CHRM3: variants seen among roughly 807,000 people sequenced by gnomAD.
The protein encoded by CHRM3 is cholinergic receptor muscarinic 3.
A neutral mutation model predicts 41.8 loss-of-function variants in CHRM3; 11 were observed. That is an observed-to-expected ratio of 0.26 (90% CI 0.17 to 0.44). The LOEUF is 0.44. CHRM3 is among the 20% of genes least tolerant of loss of function. The pLI, the probability that CHRM3 is intolerant of heterozygous loss-of-function variation, is 1.00. For missense variants in CHRM3, 571 were observed against 745.4 expected, an observed-to-expected ratio of 0.77 and a Z score of 2.72; for synonymous variants, 297 against 301.4, an observed-to-expected ratio of 0.99 and a Z score of 0.15.
At chr1:239,875,411 G>A (rs1377524529) in intron 6 of CHRM3, among the ~76,000 whole-genome samples, 1 of 152,212 alleles carries the variant, frequency 6.6e-6, no homozygotes, top group Non-Finnish European at 1.5e-5. Context: ...TTGTGTCCCA[G>A]TAAACTTTAT....
At chr1:239,410,487 G>A (rs937384197) in intron 1 of CHRM3, among the ~76,000 whole-genome samples, 2 of 152,122 alleles carry the variant, frequency 1.3e-5, no homozygotes, top group East Asian at 1.9e-4. Context: ...AAGGCCTAGA[G>A]GGCTGATACC....
chr1:239,859,653 T>C (rs1462925485), intron 6 of CHRM3, among the ~76,000 whole-genome samples: 3 of 151,488 alleles, frequency 2.0e-5, no homozygotes, highest in East Asian at 1.9e-4. Flanking sequence ...TGACCTCAAG[T>C]GATCCGCCTG....
chr1:239,423,562 C>A (rs1662123915), intron 1 of CHRM3, among the ~76,000 whole-genome samples: 1 of 152,000 alleles, frequency 6.6e-6, no homozygotes, highest in Non-Finnish European at 1.5e-5. Flanking sequence ...TAAATAACAA[C>A]CATGCATTAT....
At chr1:239,545,489 A>G (rs1184497579) in intron 2 of CHRM3, among the ~76,000 whole-genome samples, 152 bp from the exon 3 acceptor site, 1 of 152,212 alleles carries the variant, frequency 6.6e-6, no homozygotes, top group African/African-American at 2.4e-5. Context: ...CAGCAACAAT[A>G]GAGGTATGTA....
intron 1 of CHRM3, among the ~76,000 whole-genome samples, chr1:239,390,599 CTTT>C (rs11316805): frequency 1.4e-5 from 2 of 139,702 alleles, no homozygotes; most frequent in African/African-American, 2.7e-5. Flanking sequence ...GCTTCCCTCA[CTTT>C]TTTTTTTTTT....
intron 1 of CHRM3, among the ~76,000 whole-genome samples, chr1:239,442,141 G>A (rs574672642): frequency 6.1e-5 from 7 of 115,534 alleles, no homozygotes; most frequent in African/African-American, 1.5e-4. Context: ...TTAAATATAC[G>A]TTAGGTTTTT....
rs145181354 is a variant in CHRM3 at position 239,788,877 on chromosome 1, A to T, written c.-146-38375A>T. On this transcript the variant is annotated intron_variant, in intron 5 of 6. Transcript: ENST00000676153. The stretch of plus-strand genomic sequence containing the variant: ...TTCATTCAATTGTAAAGTATATTTT[A>T]TGCCATTTTAATTCTTTGAAAGGAT... Among the ~76,000 whole-genome samples the T allele has an allele frequency of 5.2e-4, 79 of 152,386 alleles. No individual in the cohort carries two copies. The East Asian group carries it at 0.014, about 27-fold the overall frequency.
chr1:239,667,880 T>C (rs539189223), intron 4 of CHRM3, among the ~76,000 whole-genome samples: 250 of 152,288 alleles, frequency 1.6e-3, no homozygotes, highest in African/African-American at 5.8e-3. Flanking sequence ...TCTGTGCTCT[T>C]GTACATTTGT....
At chr1:239,824,037 G>A (rs1207651011) in intron 5 of CHRM3, among the ~76,000 whole-genome samples, 3 of 152,060 alleles carry the variant, frequency 2.0e-5, no homozygotes, top group African/African-American at 7.2e-5. Context: ...TGACTCGGGA[G>A]CATGTGCGTG....
chr1:239,726,507 A>G (rs1663452415), intron 5 of CHRM3, among the ~76,000 whole-genome samples: 1 of 151,940 alleles, frequency 6.6e-6, no homozygotes, highest in Non-Finnish European at 1.5e-5. Flanking sequence ...TAAGCATAAC[A>G]TATTAAAGTA....
intron 5 of CHRM3, chr1:239,706,941 C>T (rs544498926): frequency 8.5e-5 from 13 of 152,272 alleles, no homozygotes; most frequent in African/African-American, 1.7e-4. Context: ...AAATAGTTTT[C>T]GGAAAAGTAG....
Position 239,480,543 on chromosome 1 carries a change from A to ATTTT in CHRM3, c.-520-12141_-520-12138dup, listed in dbSNP as rs745979239. On this transcript the variant is annotated intron_variant, in intron 1 of 6. Transcript: ENST00000676153. ...ACTCAGGTAATCCTACGATAGCCCA[A>ATTTT]TTTTTTTTTTTTTTTTTTTTTTTTT... Among the ~76,000 whole-genome samples the ATTTT allele has an allele frequency of 6.6e-3, 731 of 110,710 alleles. 29 individuals are homozygous for ATTTT. The highest frequency in any genetic ancestry group is 0.023 in the African/African-American group (577 of 24,750). 72.6% of individuals were successfully genotyped at this position (110,710 alleles called of 152,430 possible).
At chr1:239,663,544 A>G (rs1438333949) in intron 4 of CHRM3, among the ~76,000 whole-genome samples, 1 of 152,206 alleles carries the variant, frequency 6.6e-6, no homozygotes, top group Non-Finnish European at 1.5e-5. Context: ...TTTGTAGTGT[A>G]CTGCCCACTT....
intron 3 of CHRM3, among the ~76,000 whole-genome samples, chr1:239,554,256 A>C (rs891843267): frequency 1.3e-5 from 2 of 152,218 alleles, no homozygotes; most frequent in African/African-American, 4.8e-5. Context: ...CATGTTGTAG[A>C]TGAGTTTAGT....
At chr1:239,683,529 T>C (rs2149107008) in intron 5 of CHRM3, among the ~76,000 whole-genome samples, 1 of 152,336 alleles carries the variant, frequency 6.6e-6, no homozygotes, top group Non-Finnish European at 1.5e-5. Context: ...ATTATTTTCA[T>C]CTTTAAAGTC....
chr1:239,568,533 G>T (rs115686760), intron 3 of CHRM3, among the ~76,000 whole-genome samples: 5,133 of 152,104 alleles, frequency 0.034, 106 homozygotes, highest in Middle Eastern at 0.058. Flanking sequence ...CGGGTATGCC[G>T]TGATCAGCAG....
At chr1:239,840,926 G>C (rs971739622) in intron 6 of CHRM3, among the ~76,000 whole-genome samples, 3 of 152,152 alleles carry the variant, frequency 2.0e-5, no homozygotes, top group Non-Finnish European at 4.4e-5. Context: ...TGAAGTGATT[G>C]TTCCTTGATT....
intron 1 of CHRM3, among the ~76,000 whole-genome samples, chr1:239,409,881 CA>C (rs1173801420): frequency 1.3e-5 from 2 of 152,166 alleles, no homozygotes; most frequent in Non-Finnish European, 2.9e-5. Context: ...GCGGAGGTTG[CA>C]GTGAGCCTAG....
At chr1:239,894,030 G>A (rs1320702164) in intron 6 of CHRM3, among the ~76,000 whole-genome samples, 1 of 152,098 alleles carries the variant, frequency 6.6e-6, no homozygotes, top group Non-Finnish European at 1.5e-5. Flanking sequence ...CTTGTTGAGA[G>A]GAATCACAAT....
Sources: gnomAD v4.1 joint callset for allele counts (sites outside exome capture counted in the v4.1 genomes callset) on GRCh38, gnomAD v4.1.1 for gene constraint, MANE v1.5 for transcripts, NCBI Gene and HGNC (gene_info 2026-07-23, HGNC 2026-07-21) for gene names.